CLEC2D: variants seen among roughly 807,000 people sequenced by gnomAD.
The protein encoded by CLEC2D is C-type lectin domain family 2 member D.
In CLEC2D, 16 loss-of-function variants were observed where a neutral mutation model predicts 20.0. The ratio of observed to expected loss-of-function variants is 0.80; its 90% CI spans 0.54 to 1.22. The LOEUF (loss-of-function observed/expected upper bound fraction) is 1.22. Ranked by LOEUF, CLEC2D falls within the 50% of genes most tolerant of loss-of-function variation. The pLI is 0.00. For synonymous variants in CLEC2D, 77 were observed against 71.1 expected (o/e 1.08, Z -0.42); for missense variants, 207 against 221.5 (o/e 0.93, Z 0.42).
At chr12:9,687,513 T>C (rs1865774104) in intron 2 of CLEC2D, among the ~76,000 whole-genome samples, 1 of 152,230 alleles carries the variant, frequency 6.6e-6, no homozygotes, top group African/African-American at 2.4e-5. Flanking sequence ...ATCCATGGCC[T>C]AGGGGTTGGG....
chr12:9,695,331 A>G lies in CLEC2D; in HGVS notation c.*457A>G, dbSNP rs1433891913. On this transcript the variant is annotated 3_prime_UTR_variant, in exon 5 of 5. Coordinates refer to ENST00000290855, the MANE Select transcript of CLEC2D (RefSeq NM_013269.6). ...CTGCGCGGCTGTTCTCTGGAGCAGCATTCATTTATCTTCGTCTGCCTTGTC... is the reference window on the plus strand; with the variant it reads ...CTGCGCGGCTGTTCTCTGGAGCAGCGTTCATTTATCTTCGTCTGCCTTGTC... 1.3e-5 allele frequency: 12 copies of G among 926,716 alleles called. No individual in the cohort carries two copies. Among genetic ancestry groups the G allele is most frequent in the Non-Finnish European group, 2.1e-5 (12 of 570,784 alleles). The allele number at this position is 926,716 out of a possible 1,614,324, so 57.4% of individuals were successfully genotyped here. A position where few individuals can be genotyped will look rare whatever the true frequency, so the allele number is the denominator to read the frequency against.
intron 1 of CLEC2D, chr12:9,674,186 G>C (rs4763264): frequency 0.85 from 130,061 of 152,258 alleles, 56,169 homozygotes; most frequent in East Asian, 0.97. Flanking sequence ...CCACCAATGG[G>C]AGTGGCTGTC....
intron 1 of CLEC2D, among the ~76,000 whole-genome samples, chr12:9,679,505 C>T (rs1865591631): frequency 6.6e-6 from 1 of 152,072 alleles, no homozygotes; most frequent in Non-Finnish European, 1.5e-5. Context: ...TTTCCACTGT[C>T]TTCTTGCTTG....
intron 1 of CLEC2D, among the ~76,000 whole-genome samples, chr12:9,677,797 T>G (rs1222729334): frequency 6.6e-6 from 1 of 151,376 alleles, no homozygotes; most frequent in Non-Finnish European, 1.5e-5. Context: ...CAATCTCATC[T>G]CATTTCAACC....
At chr12:9,675,454 A>G (rs773807088) in intron 1 of CLEC2D, among the ~76,000 whole-genome samples, 34 of 152,296 alleles carry the variant, frequency 2.2e-4, no homozygotes, top group African/African-American at 7.9e-4. Context: ...TTGGCCTCCC[A>G]AAGTGCTAGG....
chr12:9,693,470 C>T, intron 4 of CLEC2D: 1 of 182,900 alleles, frequency 5.5e-6, no homozygotes, highest in South Asian at 1.3e-4. Context: ...TGGATTCACA[C>T]AATTTCACTC....
intron 1 of CLEC2D, chr12:9,674,359 TC>T (rs1865481645): frequency 6.6e-6 from 1 of 152,288 alleles, no homozygotes; most frequent in Admixed American, 6.5e-5. Context: ...GAGGCAAGTC[TC>T]CCCACCCTGT....
chr12:9,684,474 T>C (rs935571225), intron 2 of CLEC2D, among the ~76,000 whole-genome samples: 1 of 152,242 alleles, frequency 6.6e-6, no homozygotes, highest in African/African-American at 2.4e-5. Flanking sequence ...ACAAAGGGAA[T>C]GCTTCCAGCT....
Position 9,688,088 on chromosome 12 carries a change from T to A in CLEC2D, c.357+2T>A. ...CAGGTTGAAAGCTTCCAGGAACTGGTAAGAAAATAGTTCTGGCCAGAATCA... is the reference window on the plus strand; with the variant it reads ...CAGGTTGAAAGCTTCCAGGAACTGGAAAGAAAATAGTTCTGGCCAGAATCA... On this transcript the variant is annotated splice_donor_variant, in intron 3 of 4. Transcript: ENST00000290855. LOFTEE classifies it high-confidence loss of function. 1 of 1,576,488 alleles carries A rather than the reference T, an allele frequency of 6.3e-7. No individual in the cohort carries two copies. Among genetic ancestry groups the A allele is most frequent in the Non-Finnish European group, 8.6e-7 (1 of 1,160,728 alleles).
intron 1 of CLEC2D, among the ~76,000 whole-genome samples, chr12:9,676,335 T>G (rs1865519695): frequency 6.6e-6 from 1 of 152,206 alleles, no homozygotes. Flanking sequence ...TCTAGTTTAC[T>G]GGGAGTTTTT....
intron 1 of CLEC2D, among the ~76,000 whole-genome samples, chr12:9,671,185 T>C (rs1403088299): frequency 6.6e-6 from 1 of 152,196 alleles, no homozygotes; most frequent in Non-Finnish European, 1.5e-5. Context: ...CCCACTCTCA[T>C]GGAGCTACAG....
In CLEC2D at chr12:9,671,071, T is replaced by G. The variant is rs193033909; in HGVS notation, c.61+1276T>G. 1.9e-3 allele frequency among the ~76,000 whole-genome samples: 296 copies of G among 152,320 alleles called. 1 individual carries two copies. Among genetic ancestry groups the G allele is most frequent in the African/African-American group, 6.7e-3 (280 of 41,566 alleles). On this transcript the variant is annotated intron_variant, in intron 1 of 4. Coordinates refer to ENST00000290855, the MANE Select transcript of CLEC2D (RefSeq NM_013269.6). ...CCTCCAGCTAGAAATGCGGGCCTCC[T>G]TTTATTCTGATGAACCATATACTTC...
chr12:9,696,134 A>T lies in CLEC2D; in HGVS notation c.*1260A>T. The stretch of plus-strand genomic sequence containing the variant: ...ATAGAAAAACGTGGTTCTCTTCCCA[A>T]AGTGGAAACCAAGTTCATCAATTAT... On this transcript the variant is annotated 3_prime_UTR_variant, in exon 5 of 5. Coordinates refer to ENST00000290855, the MANE Select transcript of CLEC2D (RefSeq NM_013269.6). 1 of 939,384 alleles carries T rather than the reference A, an allele frequency of 1.1e-6. No homozygotes were observed. The highest frequency in any genetic ancestry group is 1.7e-6 in the Non-Finnish European group (1 of 580,092). 58.2% of individuals were successfully genotyped at this position (939,384 alleles called of 1,614,324 possible).
intron 2 of CLEC2D, among the ~76,000 whole-genome samples, chr12:9,685,784 G>A (rs1158884851): frequency 6.6e-6 from 1 of 152,186 alleles, no homozygotes; most frequent in Non-Finnish European, 1.5e-5. Context: ...GTCTTAGCTT[G>A]CTGGGCTCTG....
rs1187375827 is a variant in CLEC2D at position 9,697,392 on chromosome 12, TA to T, written c.*2520del. On this transcript the variant is annotated 3_prime_UTR_variant, in exon 5 of 5. Coordinates refer to ENST00000290855, the MANE Select transcript of CLEC2D (RefSeq NM_013269.6). ...ATTCGGCCCATCCCTTCATTTCCCA[TA>T]AGGGATACTTTTAGTTAATTTAATA... 2 of 152,332 alleles carry T rather than the reference TA, an allele frequency of 1.3e-5. No individual in the cohort carries two copies. Among genetic ancestry groups the T allele is most frequent in the East Asian group, 3.9e-4 (2 of 5,190 alleles). The allele number at this position is 152,332 out of a possible 1,614,324, so 9.4% of individuals were successfully genotyped here.
chr12:9,688,076 TC>T lies in CLEC2D; in HGVS notation c.349del (p.Gln117ArgfsTer3). ...QDADLAQVES[F>X]QELNFLLRYK... ...GCTGATCTTGCTCAGGTTGAAAGCT[TC>T]CAGGAACTGGTAAGAAAATAGTTCT... On this transcript the variant is annotated frameshift_variant, in exon 3 of 5. Coordinates refer to ENST00000290855, the MANE Select transcript of CLEC2D (RefSeq NM_013269.6). LOFTEE classifies it high-confidence loss of function. The T allele has an allele frequency of 1.3e-6, 2 of 1,595,194 alleles. No individual in the cohort carries two copies. The highest frequency in any genetic ancestry group is 1.7e-6 in the Non-Finnish European group (2 of 1,170,516).
chr12:9,670,084 A>G (rs1204047174), intron 1 of CLEC2D, among the ~76,000 whole-genome samples: 1 of 152,216 alleles, frequency 6.6e-6, no homozygotes, highest in Non-Finnish European at 1.5e-5. Flanking sequence ...AAAAATCTAT[A>G]CAAACTCTAA....
chr12:9,684,102 G>T (rs1025501349), intron 2 of CLEC2D, among the ~76,000 whole-genome samples: 2 of 152,102 alleles, frequency 1.3e-5, no homozygotes, highest in African/African-American at 2.4e-5. Context: ...TCTCTTGTAA[G>T]TTGTATTCTT....
chr12:9,670,363 A>T (rs1382671370), intron 1 of CLEC2D, among the ~76,000 whole-genome samples: 1 of 152,190 alleles, frequency 6.6e-6, no homozygotes, highest in African/African-American at 2.4e-5. Context: ...TCAAGGTTTT[A>T]TAACTTAGGA....
Sources: gnomAD v4.1 joint callset for allele counts (sites outside exome capture counted in the v4.1 genomes callset) on GRCh38, gnomAD v4.1.1 for gene constraint, MANE v1.5 for transcripts, NCBI Gene and HGNC (gene_info 2026-07-23, HGNC 2026-07-21) for gene names.